Variants in CCDC6 observed in about 807,000 individuals in gnomAD.
The protein encoded by CCDC6 is coiled-coil domain-containing protein 6.
In CCDC6, 20 loss-of-function variants were observed where a neutral mutation model predicts 56.6. That is an observed-to-expected ratio of 0.35 (90% CI 0.25 to 0.51). The LOEUF is 0.51. Ranked by LOEUF, CCDC6 falls within the 20% of genes least tolerant of loss-of-function variation. The pLI, the probability that CCDC6 is intolerant of heterozygous loss-of-function variation, is 0.95. For synonymous variants in CCDC6, 241 were observed against 234.4 expected (o/e 1.03, Z -0.26); for missense variants, 367 against 601.1 (o/e 0.61, Z 4.07).
Position 59,812,628 on chromosome 10 carries a change from T to C in CCDC6, c.847+7A>G. 1 of 1,607,268 alleles carries C rather than the reference T, an allele frequency of 6.2e-7. No individual in the cohort carries two copies. On this transcript the variant is annotated splice_region_variant and intron_variant, in intron 5 of 8. Transcript: ENST00000263102. Reference sequence around the variant, plus strand: ...GCATGAAACTAGTGAAACCAGAGGCTACGTACGCTGTAACTGAGCAGCTCT... The same window carrying C: ...GCATGAAACTAGTGAAACCAGAGGCCACGTACGCTGTAACTGAGCAGCTCT...
Position 59,883,532 on chromosome 10 carries a change from A to G in CCDC6, c.303+22590T>C, listed in dbSNP as rs546456918. Among the ~76,000 whole-genome samples the G allele has an allele frequency of 3.2e-4, 48 of 152,332 alleles. No homozygotes were observed. The Middle Eastern group carries it at 0.01, about 32-fold the overall frequency. ...CTTTTTCTTCTCTTTGCTCTTTTCA[A>G]TTCTATCAGCTGAACTTATGTCAGC... On this transcript the variant is annotated intron_variant, in intron 1 of 8. Transcript: ENST00000263102.
intron 1 of CCDC6, among the ~76,000 whole-genome samples, chr10:59,867,759 G>A (rs2071189618): frequency 6.6e-6 from 1 of 152,012 alleles, no homozygotes; most frequent in South Asian, 2.1e-4. Flanking sequence ...GTAGAGATGG[G>A]GTTTCGCCAT....
At chr10:59,804,567 G>A (rs1341244662) in intron 6 of CCDC6, 47 bp from the exon 7 acceptor site, 2 of 1,052,758 alleles carry the variant, frequency 1.9e-6, no homozygotes, top group South Asian at 2.5e-5. Context: ...CATTTAAATA[G>A]GCCTTAGGAG....
At chr10:59,905,987 G>T in intron 1 of CCDC6, 135 bp downstream of exon 1, 1 of 754,992 alleles carries the variant, frequency 1.3e-6, no homozygotes, top group Non-Finnish European at 2.1e-6. Flanking sequence ...GAAGCCAGCA[G>T]GTCCCCGCAG....
At chr10:59,867,712 C>T (rs1371787333) in intron 1 of CCDC6, among the ~76,000 whole-genome samples, 4 of 152,064 alleles carry the variant, frequency 2.6e-5, no homozygotes, top group Non-Finnish European at 4.4e-5. Context: ...TGATACAATG[C>T]CCAGTTAGCT....
intron 1 of CCDC6, among the ~76,000 whole-genome samples, chr10:59,875,509 A>G (rs780093256): frequency 2.1e-4 from 32 of 152,182 alleles, no homozygotes; most frequent in Non-Finnish European, 3.8e-4. Flanking sequence ...TTATGTTTCT[A>G]TCTGTGAATG....
intron 3 of CCDC6, among the ~76,000 whole-genome samples, chr10:59,815,549 T>C (rs771491478): frequency 3.9e-5 from 6 of 152,190 alleles, no homozygotes; most frequent in Non-Finnish European, 7.3e-5. Context: ...GAAACAATTA[T>C]ATACTTGTGA....
Position 59,862,514 on chromosome 10 carries a change from TATACAC to T in CCDC6, c.304-9818_304-9813del, listed in dbSNP as rs1450470437. 5.5e-4 allele frequency among the ~76,000 whole-genome samples: 40 copies of T among 73,060 alleles called. 1 individual carries two copies. The highest frequency in any genetic ancestry group is 7.0e-3 in the Middle Eastern group (1 of 142). The allele number at this position is 73,060 out of a possible 152,430, so 47.9% of individuals were successfully genotyped here. On this transcript the variant is annotated intron_variant, in intron 1 of 8. Coordinates refer to ENST00000263102, the MANE Select transcript of CCDC6 (RefSeq NM_005436.5). ...AGAAAAAAAAAAGTATATATATATA[TATACAC>T]ACACACACACACACACACACACACA...
rs755044460 is a variant in CCDC6, at chr10:59,792,682, A to T, written c.*235T>A. 2 of 752,070 alleles carry T rather than the reference A, an allele frequency of 2.7e-6. No homozygotes were observed. Among genetic ancestry groups the T allele is most frequent in the African/African-American group, 3.4e-5 (2 of 58,944 alleles). The allele number at this position is 752,070 out of a possible 1,614,324, so 46.6% of individuals were successfully genotyped here. A position where few individuals can be genotyped will look rare whatever the true frequency, so the allele number is the denominator to read the frequency against. ...AGCGAAGGTTCCAGCCAGGGAATGGACGTACATGAAGATTCAAGTAAAACA... is the reference window on the plus strand; with the variant it reads ...AGCGAAGGTTCCAGCCAGGGAATGGTCGTACATGAAGATTCAAGTAAAACA... On this transcript the variant is annotated 3_prime_UTR_variant, in exon 9 of 9. Transcript: ENST00000263102.
At position 59,832,520 on chromosome 10, in the gene CCDC6, C is replaced by T. The variant is rs764870985; in HGVS notation, c.582+5G>A. ...CAATGTAAAGGAAGAGCTACAGGTG[C>T]TTACCTGTTCTAATGTAAGTTGCTT... On this transcript the variant is annotated splice_donor_5th_base_variant and intron_variant, in intron 3 of 8. Coordinates refer to ENST00000263102, the MANE Select transcript of CCDC6 (RefSeq NM_005436.5). 1 of 1,610,594 alleles carries T rather than the reference C, an allele frequency of 6.2e-7. No individual in the cohort carries two copies. The highest frequency in any genetic ancestry group is 1.1e-5 in the South Asian group (1 of 90,506).
At chr10:59,896,574 G>C (rs563461783) in intron 1 of CCDC6, among the ~76,000 whole-genome samples, 24 of 150,276 alleles carry the variant, frequency 1.6e-4, no homozygotes, top group African/African-American at 5.6e-4. Flanking sequence ...TTGTAGACCA[G>C]AGTAAGTCTT....
At position 59,790,571 on chromosome 10, in the gene CCDC6, C is replaced by T. The variant is rs1473907023; in HGVS notation, c.*2346G>A. 4.5e-6 allele frequency: 1 copy of T among 221,582 alleles called. No individual in the cohort carries two copies. The highest frequency in any genetic ancestry group is 9.0e-6 in the Non-Finnish European group (1 of 110,710). The allele number at this position is 221,582 out of a possible 1,614,324, so 13.7% of individuals were successfully genotyped here. On this transcript the variant is annotated 3_prime_UTR_variant, in exon 9 of 9. Coordinates refer to ENST00000263102, the MANE Select transcript of CCDC6 (RefSeq NM_005436.5). ...ATAGGTCCTCAAACACTTTAAAGGA[C>T]ACGAACCATCAAATTCAAAAGAGTA...
intron 2 of CCDC6, among the ~76,000 whole-genome samples, chr10:59,850,821 C>A (rs2132655533): frequency 6.6e-6 from 1 of 152,192 alleles, no homozygotes; most frequent in East Asian, 1.9e-4. Flanking sequence ...TAAGTTCAAG[C>A]CTTCTTACAC....
chr10:59,852,889 G>A (rs930927863), intron 1 of CCDC6, among the ~76,000 whole-genome samples, 187 bp from the exon 2 acceptor site: 9 of 152,148 alleles, frequency 5.9e-5, no homozygotes, highest in African/African-American at 2.2e-4. Context: ...CTACAGAAAT[G>A]AATATCACTA....
chr10:59,804,271 G>GA, intron 7 of CCDC6, 149 bp downstream of exon 7: 1 of 514,074 alleles, frequency 1.9e-6, no homozygotes, highest in Non-Finnish European at 3.5e-6. Context: ...TCTTAGCCTT[G>GA]AGAGTGATGA....
intron 5 of CCDC6, among the ~76,000 whole-genome samples, chr10:59,808,115 T>C (rs1322875917): frequency 1.3e-5 from 2 of 152,070 alleles, no homozygotes; most frequent in African/African-American, 4.8e-5. Flanking sequence ...TTATGACAAA[T>C]ACCCCTTCCT....
At chr10:59,794,370 G>A (rs1409585533) in intron 8 of CCDC6, 103 bp downstream of exon 8, 1 of 1,159,756 alleles carries the variant, frequency 8.6e-7, no homozygotes, top group Non-Finnish European at 1.2e-6. Flanking sequence ...GGAGGAGGCA[G>A]GAAGAAGGGC....
At chr10:59,870,344 T>C (rs2071217548) in intron 1 of CCDC6, among the ~76,000 whole-genome samples, 1 of 152,154 alleles carries the variant, frequency 6.6e-6, no homozygotes, top group African/African-American at 2.4e-5. Context: ...TAAGGTACTA[T>C]CACTGCTCTT....
chr10:59,876,342 C>T (rs558193203), intron 1 of CCDC6, among the ~76,000 whole-genome samples: 1 of 152,062 alleles, frequency 6.6e-6, no homozygotes, highest in South Asian at 2.1e-4. Context: ...AGCCACCGCA[C>T]CCAGCCTCAC....
Sources: gnomAD v4.1 joint callset for allele counts (sites outside exome capture counted in the v4.1 genomes callset) on GRCh38, gnomAD v4.1.1 for gene constraint, MANE v1.5 for transcripts, NCBI Gene and HGNC (gene_info 2026-07-23, HGNC 2026-07-21) for gene names.